The following APBA1 variants were observed in gnomAD, a reference collection of about 807,000 sequenced individuals.
APBA1 encodes the protein amyloid-beta A4 precursor protein-binding family A member 1.
APBA1 carries 55 observed loss-of-function variants against 86.6 expected under a neutral mutation model. That is an observed-to-expected ratio of 0.64 (90% confidence interval 0.51 to 0.80). The LOEUF (loss-of-function observed/expected upper bound fraction) is 0.80. APBA1 is among the 30% of genes least tolerant of loss of function. The pLI is 0.00. For synonymous variants in APBA1, 511 were observed against 493.9 expected, an observed-to-expected ratio of 1.03 and a Z score of -0.46; for missense variants, 1,090 against 1,183.0, an observed-to-expected ratio of 0.92 and a Z score of 1.15.
chr9:69,568,536 T>A (rs1184119251), intron 1 of APBA1, among the ~76,000 whole-genome samples: 2 of 152,346 alleles, frequency 1.3e-5, no homozygotes, highest in African/African-American at 4.8e-5. Flanking sequence ...TTGCCTCTAC[T>A]GGAACTTTAA....
intron 5 of APBA1, chr9:69,461,592 A>T (rs1444579302): frequency 6.6e-6 from 1 of 152,220 alleles, no homozygotes; most frequent in Non-Finnish European, 1.5e-5. Context: ...ACGAGGTTTA[A>T]GTAGATGTTG....
chr9:69,475,977 T>C, intron 3 of APBA1, 71 bp downstream of exon 3: 2 of 1,258,424 alleles, frequency 1.6e-6, no homozygotes. Context: ...GATGCTGTAT[T>C]AGGAAGCACA....
intron 1 of APBA1, among the ~76,000 whole-genome samples, chr9:69,651,330 G>T (rs1463372198): frequency 1.3e-5 from 2 of 152,150 alleles, no homozygotes; most frequent in African/African-American, 4.8e-5. Context: ...ATCTTGATCT[G>T]GGTGGTGGTT....
At chr9:69,542,541 T>C (rs1588352199) in intron 1 of APBA1, among the ~76,000 whole-genome samples, 1 of 152,214 alleles carries the variant, frequency 6.6e-6, no homozygotes, top group Non-Finnish European at 1.5e-5. Context: ...GACATCTTGG[T>C]TGCTTCAAAG....
Position 69,452,299 on chromosome 9 carries a change from A to G in APBA1, c.1791T>C (p.Ala597=). ...GTCCGATGGACTGTGCAATCAGCTG[A>G]GCCTGGAACAGCAGCCAGAGAGGAA... ...MICHVFESED[A]QLIAQSIGQA... The change falls in exon 9 of 13, where the codon GCT becomes GCC. Residue 597 remains alanine (A), a splice_region_variant and synonymous_variant. Coordinates refer to ENST00000265381, the MANE Select transcript of APBA1 (RefSeq NM_001163.4). The G allele has an allele frequency of 6.2e-7, 1 of 1,614,002 alleles. No individual in the cohort carries two copies. The highest frequency in any genetic ancestry group is 1.1e-5 in the South Asian group (1 of 91,056).
chr9:69,636,344 C>T (rs1231664306), intron 1 of APBA1, among the ~76,000 whole-genome samples: 2 of 152,104 alleles, frequency 1.3e-5, no homozygotes, highest in East Asian at 1.9e-4. Context: ...TTGGAGGTTC[C>T]TCAAAAAACT....
At chr9:69,577,037 T>C (rs981999713) in intron 1 of APBA1, among the ~76,000 whole-genome samples, 3 of 152,176 alleles carry the variant, frequency 2.0e-5, no homozygotes, top group African/African-American at 7.2e-5. Context: ...ATGGGGTACA[T>C]GGTGATGTTT....
chr9:69,483,471 G>C (rs1224060795), intron 2 of APBA1, among the ~76,000 whole-genome samples: 1 of 152,108 alleles, frequency 6.6e-6, no homozygotes, highest in East Asian at 1.9e-4. Context: ...TGGTGCTGGT[G>C]TTGGGGCTGA....
chr9:69,455,393 G>A (rs754496296), intron 8 of APBA1, among the ~76,000 whole-genome samples: 7 of 152,084 alleles, frequency 4.6e-5, no homozygotes, highest in African/African-American at 7.2e-5. Flanking sequence ...AGGATGGTGC[G>A]GGGAGGTAGG....
chr9:69,663,921 C>G (rs1018536906), intron 1 of APBA1, among the ~76,000 whole-genome samples: 3 of 152,156 alleles, frequency 2.0e-5, no homozygotes, highest in African/African-American at 7.2e-5. Flanking sequence ...GTGGGGTATT[C>G]TCTTAATTAC....
At chr9:69,589,211 C>T (rs1036941546) in intron 1 of APBA1, among the ~76,000 whole-genome samples, 3 of 152,210 alleles carry the variant, frequency 2.0e-5, no homozygotes, top group African/African-American at 7.2e-5. Context: ...CTGCCTTGGC[C>T]TCCCAAAGTG....
At chr9:69,543,992 A>T (rs963134830) in intron 1 of APBA1, among the ~76,000 whole-genome samples, 15 of 152,224 alleles carry the variant, frequency 9.9e-5, no homozygotes, top group Non-Finnish European at 1.5e-5. Context: ...TCTGGATAAA[A>T]CAGGCATAGA....
chr9:69,482,210 T>C (rs1220414638), intron 2 of APBA1, among the ~76,000 whole-genome samples: 7 of 152,026 alleles, frequency 4.6e-5, no homozygotes, highest in South Asian at 2.1e-4. Flanking sequence ...AGAAAATTTT[T>C]GCAACCTACT....
chr9:69,558,529 T>C lies in APBA1; in HGVS notation c.-69-41250A>G, dbSNP rs576090983. 1.2e-4 allele frequency among the ~76,000 whole-genome samples: 10 copies of C among 86,064 alleles called. No individual in the cohort carries two copies. In the East Asian group the frequency reaches 5.4e-3, roughly 47 times the overall value. 56.5% of individuals were successfully genotyped at this position (86,064 alleles called of 152,430 possible). A position where few individuals can be genotyped will look rare whatever the true frequency, so the allele number is the denominator to read the frequency against. On this transcript the variant is annotated intron_variant, in intron 1 of 12. Coordinates refer to ENST00000265381, the MANE Select transcript of APBA1 (RefSeq NM_001163.4). ...TCTTGTGACTATCTTAAATTATATA[T>C]ATATACACACACACATACACACACA... is the stretch of plus-strand genomic sequence containing the variant.
intron 1 of APBA1, among the ~76,000 whole-genome samples, chr9:69,608,747 A>G (rs761511265): frequency 6.6e-6 from 1 of 152,202 alleles, no homozygotes; most frequent in African/African-American, 2.4e-5. Context: ...AAGGGCACCC[A>G]TACTGAGAAG....
rs141341064 is a variant in APBA1 at position 69,483,418 on chromosome 9, A to G, written c.1201-7275T>C. 3.0e-3 allele frequency among the ~76,000 whole-genome samples: 459 copies of G among 152,188 alleles called. 3 individuals carry two copies. Among genetic ancestry groups the G allele is most frequent in the African/African-American group, 0.01 (431 of 41,518 alleles). On this transcript the variant is annotated intron_variant, in intron 2 of 12. Transcript: ENST00000265381. ...GGGGAAACTGATGCACAGAGACATC[A>G]GCAAAATATTTTCATGGAAAGGGAT...
chr9:69,622,157 A>G (rs1822832350), intron 1 of APBA1, among the ~76,000 whole-genome samples: 1 of 152,214 alleles, frequency 6.6e-6, no homozygotes, highest in Non-Finnish European at 1.5e-5. Context: ...CATATGTGAG[A>G]TCTATGGATT....
intron 2 of APBA1, among the ~76,000 whole-genome samples, chr9:69,497,885 G>A (rs13290847): frequency 0.37 from 56,955 of 151,898 alleles, 12,285 homozygotes; most frequent in Non-Finnish European, 0.47. Flanking sequence ...CCAGGAGTTC[G>A]GAATGGTTGA....
chr9:69,457,147 G>T lies in APBA1; in HGVS notation c.1516-8C>A. Reference sequence around the variant, plus strand: ...AGATTCGCCTTCAGGAGCCTGAGAAGAAAAAATGCACCAAGAGAAAGTTTG... The same window carrying T: ...AGATTCGCCTTCAGGAGCCTGAGAATAAAAAATGCACCAAGAGAAAGTTTG... On this transcript the variant is annotated splice_region_variant and splice_polypyrimidine_tract_variant and intron_variant, in intron 6 of 12. Coordinates refer to ENST00000265381, the MANE Select transcript of APBA1 (RefSeq NM_001163.4). The T allele has an allele frequency of 6.2e-7, 1 of 1,612,226 alleles. No individual in the cohort carries two copies. The highest frequency in any genetic ancestry group is 1.1e-5 in the South Asian group (1 of 91,032).
Sources: allele counts gnomAD v4.1 joint callset (sites outside exome capture counted in the v4.1 genomes callset), GRCh38; gene constraint gnomAD v4.1.1; transcripts MANE v1.5; gene names NCBI Gene and HGNC (gene_info 2026-07-23, HGNC 2026-07-21).